TMEM100: variants seen among roughly 807,000 people sequenced by gnomAD.
The protein encoded by TMEM100 is transmembrane protein 100.
For missense variants in TMEM100, 137 were observed against 168.2 expected, an observed-to-expected ratio of 0.81 and a Z score of 1.02; for synonymous variants, 61 against 67.1, an observed-to-expected ratio of 0.91 and a Z score of 0.44.
intron 1 of TMEM100, among the ~76,000 whole-genome samples, chr17:55,728,725 C>T (rs1280390985): frequency 6.6e-6 from 1 of 152,138 alleles, no homozygotes; most frequent in Non-Finnish European, 1.5e-5. Context: ...CGTGGGTAAT[C>T]CTTTTCTTGA....
rs946957580 is a variant in TMEM100, at chr17:55,720,641, A to G, written c.*25T>C. The G allele has an allele frequency of 7.0e-6, 11 of 1,566,302 alleles. No individual in the cohort carries two copies. Among genetic ancestry groups the G allele is most frequent in the African/African-American group, 4.1e-5 (3 of 73,242 alleles). On this transcript the variant is annotated 3_prime_UTR_variant, in exon 2 of 2. Coordinates refer to ENST00000424486, the MANE Select transcript of TMEM100 (RefSeq NM_018286.3). ...AGTCAGAGCACGTTTTCCAGGCCCA[A>G]TGGCCCATTTGGTCGTATTCAGTCT...
upstream of TMEM100, among the ~76,000 whole-genome samples, chr17:55,725,545 C>CA (rs1909042308): frequency 3.9e-5 from 6 of 152,112 alleles, no homozygotes; most frequent in South Asian, 1.2e-3. Flanking sequence ...GCAACCCAGA[C>CA]AGGGGGATGC....
At position 55,720,049 on chromosome 17, in the gene TMEM100, A is replaced by G. The variant is rs568764017; in HGVS notation, c.*617T>C. ...ACAGCATCTATTAGCTATAACTTTA[A>G]TGGGTTTTTCTTTACTTCTGATACA... is the stretch of plus-strand genomic sequence containing the variant. On this transcript the variant is annotated 3_prime_UTR_variant, in exon 2 of 2. Coordinates refer to ENST00000424486, the MANE Select transcript of TMEM100 (RefSeq NM_018286.3). The G allele has an allele frequency of 6.5e-6, 1 of 152,766 alleles. No homozygotes were observed. The highest frequency in any genetic ancestry group is 1.9e-4 in the East Asian group (1 of 5,188). The allele number at this position is 152,766 out of a possible 1,614,324, so 9.5% of individuals were successfully genotyped here.
exon 2 of TMEM100, chr17:55,727,963 CA>C: frequency 6.6e-6 from 1 of 152,212 alleles, no homozygotes; most frequent in East Asian, 1.9e-4. Flanking sequence ...ATATTTTTCA[CA>C]AGTCACTTTT....
chr17:55,721,528 T>C, intron 1 of TMEM100: 1 of 155,604 alleles, frequency 6.4e-6, no homozygotes, highest in Non-Finnish European at 1.4e-5. Context: ...ATCCCAGAAC[T>C]TACAGCAACT....
At chr17:55,725,390 A>G (rs967605286), upstream of TMEM100, among the ~76,000 whole-genome samples, 31 of 152,190 alleles carry the variant, frequency 2.0e-4, no homozygotes, top group African/African-American at 7.2e-4. Flanking sequence ...ACTTTTCTCA[A>G]AGCCTCCAAT....
intron 1 of TMEM100, chr17:55,721,867 T>C (rs1202617759): frequency 1.3e-5 from 2 of 152,240 alleles, no homozygotes; most frequent in Admixed American, 6.5e-5. Flanking sequence ...CTTCATAGGA[T>C]ATAATTTTGT....
upstream of TMEM100, among the ~76,000 whole-genome samples, chr17:55,725,699 ATATGTGTGTGTGTGTGTGTG>A (rs1909048754): frequency 3.4e-5 from 3 of 88,434 alleles, no homozygotes; most frequent in African/African-American, 7.9e-5. Flanking sequence ...TAACCCATAT[ATATGTGTGTGTGTGTGTGTG>A]TGTGTGTGTG....
At chr17:55,725,701 A>G (rs796932269), upstream of TMEM100, among the ~76,000 whole-genome samples, 341 of 139,682 alleles carry the variant, frequency 2.4e-3, 2 homozygotes, top group African/African-American at 6.6e-3. Context: ...ACCCATATAT[A>G]TGTGTGTGTG....
chr17:55,727,622 G>A (rs1909104121), upstream of TMEM100, among the ~76,000 whole-genome samples: 1 of 152,138 alleles, frequency 6.6e-6, no homozygotes, highest in Non-Finnish European at 1.5e-5. Flanking sequence ...AACATTGTGT[G>A]GCACCCAGTC....
At chr17:55,725,994 C>T (rs1271689596), upstream of TMEM100, among the ~76,000 whole-genome samples, 2 of 151,992 alleles carry the variant, frequency 1.3e-5, no homozygotes, top group Non-Finnish European at 2.9e-5. Flanking sequence ...CATAAACCAT[C>T]CTCTTTCCCA....
At chr17:55,730,650 G>A (rs914965428) in intron 1 of TMEM100, among the ~76,000 whole-genome samples, 23 of 152,142 alleles carry the variant, frequency 1.5e-4, no homozygotes, top group Non-Finnish European at 2.8e-4. Flanking sequence ...ATTAATTGAG[G>A]ATAGAACTAG....
At chr17:55,730,053 A>T (rs1909167325) in intron 1 of TMEM100, among the ~76,000 whole-genome samples, 1 of 152,208 alleles carries the variant, frequency 6.6e-6, no homozygotes, top group African/African-American at 2.4e-5. Flanking sequence ...TTAAAAAAAT[A>T]GCAATCCAAA....
chr17:55,724,472 T>G (rs922156874), upstream of TMEM100, among the ~76,000 whole-genome samples: 62 of 152,172 alleles, frequency 4.1e-4, no homozygotes, highest in South Asian at 4.1e-4. Context: ...CACTTGGTGT[T>G]GAGGGTCAGG....
intron 1 of TMEM100, chr17:55,721,695 AC>A (rs1443183787): frequency 3.3e-5 from 5 of 152,630 alleles, no homozygotes; most frequent in Admixed American, 3.3e-4. Context: ...TTACTATTAA[AC>A]ACAGTGCAAC....
intron 1 of TMEM100, among the ~76,000 whole-genome samples, chr17:55,728,839 A>G (rs1451208965): frequency 6.6e-6 from 1 of 152,142 alleles, no homozygotes; most frequent in Non-Finnish European, 1.5e-5. Context: ...TGGAATCTTC[A>G]TGGCACACAG....
intron 1 of TMEM100, chr17:55,721,514 A>G (rs1908886866): frequency 6.4e-6 from 1 of 157,254 alleles, no homozygotes. Flanking sequence ...ATTTCGTACC[A>G]TTAATCCCAG....
chr17:55,729,069 T>C (rs1481572189), intron 1 of TMEM100, among the ~76,000 whole-genome samples: 1 of 152,226 alleles, frequency 6.6e-6, no homozygotes, highest in African/African-American at 2.4e-5. Context: ...GTTTGGACTT[T>C]CTTTTGAGAG....
At position 55,729,889 on chromosome 17, in the gene TMEM100, G is replaced by A. The variant is rs768128845; in HGVS notation, c.-359+1782C>T. ...AATAAGCACTACATAGATATCTTCT[G>A]GTAATGAAAATATTTTCTCCAGTGG... On this transcript the variant is annotated intron_variant, in intron 1 of 3. Transcript: ENST00000575734. 4.8e-4 allele frequency among the ~76,000 whole-genome samples: 73 copies of A among 152,146 alleles called. 1 individual carries two copies. Among genetic ancestry groups the A allele is most frequent in the South Asian group, 2.1e-3 (10 of 4,812 alleles).
Sources: gnomAD v4.1 joint callset for allele counts (sites outside exome capture counted in the v4.1 genomes callset) on GRCh38, gnomAD v4.1.1 for gene constraint, MANE v1.5 for transcripts, NCBI Gene and HGNC (gene_info 2026-07-23, HGNC 2026-07-21) for gene names.